Variants in RPS6KC1 observed in about 807,000 individuals in gnomAD.
RPS6KC1 encodes the protein inactive ribosomal protein S6 kinase delta-1.
A neutral mutation model predicts 103.8 loss-of-function variants in RPS6KC1; 54 were observed. The observed-to-expected ratio is 0.52, with a 90% CI of 0.42 to 0.65. The LOEUF (loss-of-function observed/expected upper bound fraction) is 0.65, where lower values mean the gene tolerates loss of function less well. Among genes scored for constraint, RPS6KC1 ranks in the 30% least tolerant of loss-of-function variants. The pLI is 0.00. For missense variants in RPS6KC1, 1,151 were observed against 1,253.8 expected (o/e 0.92, Z 1.24); for synonymous variants, 439 against 438.7 (o/e 1.00, Z -0.01).
chr1:213,184,522 AT>A (rs1177704156), intron 8 of RPS6KC1, among the ~76,000 whole-genome samples: 1 of 147,110 alleles, frequency 6.8e-6, no homozygotes, highest in Non-Finnish European at 1.5e-5. Context: ...TCTGATCTTT[AT>A]TTTCTTCTAC....
At chr1:213,257,379 A>C (rs1304162668) in intron 12 of RPS6KC1, among the ~76,000 whole-genome samples, 1 of 152,186 alleles carries the variant, frequency 6.6e-6, no homozygotes, top group Non-Finnish European at 1.5e-5. Flanking sequence ...ATGAGCAGAG[A>C]CTTAGAATGG....
intron 6 of RPS6KC1, among the ~76,000 whole-genome samples, chr1:213,155,993 T>C (rs2089844203): frequency 6.6e-6 from 1 of 152,212 alleles, no homozygotes; most frequent in Non-Finnish European, 1.5e-5. Context: ...AAATTCAAAA[T>C]GTTACCATTC....
At chr1:213,223,899 T>C (rs1373001334) in intron 8 of RPS6KC1, among the ~76,000 whole-genome samples, 1 of 152,190 alleles carries the variant, frequency 6.6e-6, no homozygotes, top group Non-Finnish European at 1.5e-5. Flanking sequence ...AGACAGACAG[T>C]CCCTGAAATT....
At chr1:213,585,095 A>G in the RPS6KC1 span, among the ~76,000 whole-genome samples, 1 of 152,342 alleles carries the variant, frequency 6.6e-6, no homozygotes, top group African/African-American at 2.4e-5. Context: ...CAGTTGCCTC[A>G]TCTGTAAAAT....
intron 2 of RPS6KC1, 118 bp downstream of exon 2, chr1:213,071,159 C>T (rs760121160): frequency 9.6e-5 from 55 of 574,536 alleles, no homozygotes; most frequent in Middle Eastern, 5.1e-4. Context: ...GACGGAGTTT[C>T]GCTCCTGTTG....
the RPS6KC1 span, among the ~76,000 whole-genome samples, chr1:213,664,634 A>C: frequency 1.3e-5 from 2 of 152,232 alleles, no homozygotes; most frequent in Non-Finnish European, 2.9e-5. Context: ...TTTTTTAATA[A>C]ACCATATAGG....
the RPS6KC1 span, among the ~76,000 whole-genome samples, chr1:213,366,311 T>C: frequency 6.6e-6 from 1 of 152,358 alleles, no homozygotes; most frequent in South Asian, 2.1e-4. Flanking sequence ...GAAACGACTC[T>C]GTGAACTGTA....
At chr1:213,554,405 C>T in the RPS6KC1 span, among the ~76,000 whole-genome samples, 1 of 152,176 alleles carries the variant, frequency 6.6e-6, no homozygotes, top group African/African-American at 2.4e-5. Context: ...CAATACCATG[C>T]TGTTTCAGTT....
intron 6 of RPS6KC1, among the ~76,000 whole-genome samples, chr1:213,149,770 G>A (rs1182180384): frequency 2.6e-5 from 4 of 152,096 alleles, no homozygotes; most frequent in Non-Finnish European, 5.9e-5. Context: ...TATTAGATTG[G>A]GGCCTATCTC....
chr1:213,557,111 C>T, the RPS6KC1 span, among the ~76,000 whole-genome samples: 1 of 152,160 alleles, frequency 6.6e-6, no homozygotes, highest in Non-Finnish European at 1.5e-5. Context: ...AACTAGATGG[C>T]TCCTCACCTT....
Position 213,176,478 on chromosome 1 carries a change from G to C in RPS6KC1, c.1030G>C (p.Gly344Arg). 1.3e-6 allele frequency: 2 copies of C among 1,599,266 alleles called. No homozygotes were observed. The highest frequency in any genetic ancestry group is 1.7e-6 in the Non-Finnish European group (2 of 1,168,842). The change falls in exon 8 of 15, where the codon GGG becomes CGG. Residue 344 changes from glycine to arginine, a missense_variant. Gly to Arg is a moderately radical substitution (Grantham distance 125). This residue lies in a region of RPS6KC1 where 959 missense variants were observed against 1,006.3 expected (regional missense o/e 0.95). Coordinates refer to ENST00000366960, the MANE Select transcript of RPS6KC1 (RefSeq NM_012424.6). ...GGAGCTGAAGGCCTTCAGAGTCCTTGGGGTGATTGACAAGGTAATTCTTCA... is the reference window on the plus strand; with the variant it reads ...GGAGCTGAAGGCCTTCAGAGTCCTTCGGGTGATTGACAAGGTAATTCTTCA... ...AEELKAFRVL[G>R]VIDKVLLVMD...
the RPS6KC1 span, among the ~76,000 whole-genome samples, chr1:213,368,669 G>T: frequency 0.015 from 2,315 of 152,268 alleles, 35 homozygotes; most frequent in Non-Finnish European, 0.024. Flanking sequence ...AGCTTTAGGG[G>T]AAATGGCAGC....
the RPS6KC1 span, among the ~76,000 whole-genome samples, chr1:213,394,794 A>G: frequency 2.0e-5 from 3 of 152,212 alleles, no homozygotes; most frequent in South Asian, 6.2e-4. Context: ...TCGCAAGTCT[A>G]GGAAGCTTTA....
chr1:213,313,877 T>C, the RPS6KC1 span, among the ~76,000 whole-genome samples: 3 of 152,058 alleles, frequency 2.0e-5, no homozygotes, highest in East Asian at 1.9e-4. Context: ...GGCGTGAACC[T>C]GGGAGGCGGA....
At chr1:213,428,606 C>A in the RPS6KC1 span, 1 of 132,552 alleles carries the variant, frequency 7.5e-6, no homozygotes, top group Admixed American at 7.7e-5. Flanking sequence ...CTCCCTCCCT[C>A]CCTCCCTCTC....
intron 10 of RPS6KC1, among the ~76,000 whole-genome samples, chr1:213,237,031 T>C (rs1454222337): frequency 6.6e-6 from 1 of 152,160 alleles, no homozygotes; most frequent in Non-Finnish European, 1.5e-5. Context: ...TATCTTCCAA[T>C]AACTTTCTAT....
the RPS6KC1 span, among the ~76,000 whole-genome samples, chr1:213,313,271 T>C: frequency 6.6e-6 from 1 of 152,044 alleles, no homozygotes. Flanking sequence ...TGGCCACCAA[T>C]CCGCCCAGAG....
the RPS6KC1 span, among the ~76,000 whole-genome samples, chr1:213,846,191 T>C: frequency 4.8e-5 from 7 of 146,616 alleles, no homozygotes; most frequent in South Asian, 1.3e-3. Context: ...TCCCAGCTAC[T>C]AGGGAGGCTG....
the RPS6KC1 span, among the ~76,000 whole-genome samples, chr1:213,532,267 A>G: frequency 1.3e-5 from 2 of 152,224 alleles, no homozygotes; most frequent in East Asian, 3.9e-4. Flanking sequence ...GCATAAAGTG[A>G]TGGTGGTGAG....
Sources: gnomAD v4.1 joint callset for allele counts (sites outside exome capture counted in the v4.1 genomes callset) on GRCh38, gnomAD v4.1.1 for gene constraint, gnomAD v4.1.1 regional missense constraint, MANE v1.5 for transcripts, NCBI Gene and HGNC (gene_info 2026-07-23, HGNC 2026-07-21) for gene names.